The following ZNF713 variants were observed in gnomAD, a reference collection of about 807,000 sequenced individuals.
ZNF713 encodes zinc finger protein 713.
In ZNF713, 21 loss-of-function variants were observed where a neutral mutation model predicts 28.7. The ratio of observed to expected loss-of-function variants is 0.73; its 90% CI spans 0.52 to 1.05. The LOEUF is 1.05. Ranked by LOEUF, ZNF713 falls within the 50% of genes least tolerant of loss-of-function variation. ZNF713 has a pLI of 0.00. For synonymous variants in ZNF713, 167 were observed against 178.0 expected (o/e 0.94, Z 0.49); for missense variants, 458 against 532.4 (o/e 0.86, Z 1.37).
intron 1 of ZNF713, 68 bp downstream of exon 1, chr7:55,887,748 C>T (rs1562731127): frequency 7.8e-4 from 1 of 1,280 alleles, no homozygotes; most frequent in African/African-American, 6.9e-3. Flanking sequence ...GGGGCGGAGG[C>T]GGGGGGCGGA....
intron 4 of ZNF713, among the ~76,000 whole-genome samples, chr7:55,915,392 A>T (rs974199023): frequency 1.3e-5 from 2 of 152,182 alleles, no homozygotes; most frequent in African/African-American, 4.8e-5. Flanking sequence ...GACAAAAATT[A>T]TGCTTTTTAT....
chr7:55,902,875 C>A (rs1584300506), intron 1 of ZNF713, among the ~76,000 whole-genome samples: 1 of 151,480 alleles, frequency 6.6e-6, no homozygotes, highest in Non-Finnish European at 1.5e-5. Context: ...TGCCTATAAT[C>A]CCAGCTACTT....
intron 1 of ZNF713, among the ~76,000 whole-genome samples, chr7:55,900,596 C>T (rs1030357731): frequency 6.6e-6 from 1 of 152,100 alleles, no homozygotes; most frequent in African/African-American, 2.4e-5. Flanking sequence ...AAGCCAAGCA[C>T]AGAAAAACAG....
chr7:55,927,723 C>T (rs1211002136), intron 6 of ZNF713, among the ~76,000 whole-genome samples: 1 of 151,440 alleles, frequency 6.6e-6, no homozygotes, highest in African/African-American at 2.4e-5. Flanking sequence ...ATGGTAAAAC[C>T]CCGTCTCTAC....
chr7:55,918,110 A>C (rs1306830938), intron 4 of ZNF713: 2 of 456,632 alleles, frequency 4.4e-6, no homozygotes, highest in East Asian at 1.4e-4. Flanking sequence ...AAGCTTTGTG[A>C]CTTTCAAGGC....
chr7:55,923,612 C>T lies in ZNF713; in HGVS notation c.220C>T (p.Gln74Ter). The T allele has an allele frequency of 6.2e-7, 1 of 1,600,118 alleles. No homozygotes were observed. Among genetic ancestry groups the T allele is most frequent in the Non-Finnish European group, 8.5e-7 (1 of 1,172,464 alleles). The change falls in exon 6 of 7, where the codon CAG (glutamine) becomes TAG (stop). Residue 74 changes from glutamine to a stop codon, truncating the protein, a stop_gained. Transcript: ENST00000429591. LOFTEE classifies it high-confidence loss of function. Reference protein sequence around the residue: ...NYRNLVALGYQLCKPEVIAQL... With the variant: ...NYRNLVALGY ...TATGTTACTCCTGTGAATAGGGTAT[C>T]AGCTTTGTAAGCCAGAGGTAATCGC...
chr7:55,929,423 A>G (rs1307600714), intron 6 of ZNF713, among the ~76,000 whole-genome samples: 4 of 152,130 alleles, frequency 2.6e-5, no homozygotes, highest in Non-Finnish European at 5.9e-5. Flanking sequence ...AGGAGGTGAA[A>G]AGTGGGAATT....
intron 5 of ZNF713, 60 bp downstream of exon 5, chr7:55,923,348 G>A: frequency 6.4e-7 from 1 of 1,551,586 alleles, no homozygotes; most frequent in Non-Finnish European, 8.7e-7. Context: ...TCCTGAACTA[G>A]TAGAAGCCTG....
chr7:55,901,808 T>C (rs1785583302), intron 1 of ZNF713, among the ~76,000 whole-genome samples: 2 of 152,264 alleles, frequency 1.3e-5, no homozygotes, highest in Admixed American at 6.5e-5. Flanking sequence ...ACTGCAGCCA[T>C]AGTGCAGCTT....
At chr7:55,934,330 A>G (rs934717552) in intron 6 of ZNF713, among the ~76,000 whole-genome samples, 1 of 152,134 alleles carries the variant, frequency 6.6e-6, no homozygotes, top group Non-Finnish European at 1.5e-5. Flanking sequence ...AATATTCACA[A>G]AAGAAATAAA....
chr7:55,889,144 C>G (rs1363439780), intron 1 of ZNF713, among the ~76,000 whole-genome samples: 1 of 151,336 alleles, frequency 6.6e-6, no homozygotes, highest in Admixed American at 6.6e-5. Context: ...TCCTGTTGCC[C>G]AGGCTGGAGT....
intron 2 of ZNF713, among the ~76,000 whole-genome samples, chr7:55,909,651 T>C (rs1313887149): frequency 1.3e-5 from 2 of 152,206 alleles, no homozygotes; most frequent in African/African-American, 4.8e-5. Context: ...TTAATGATAT[T>C]GATTCTTCAA....
At chr7:55,900,946 C>T (rs988308223) in intron 1 of ZNF713, among the ~76,000 whole-genome samples, 4 of 152,150 alleles carry the variant, frequency 2.6e-5, no homozygotes, top group Admixed American at 6.6e-5. Context: ...GCTGGGATTA[C>T]AGGCATGAGC....
Position 55,904,298 on chromosome 7 carries a change from C to G in ZNF713, c.-582-1955C>G, listed in dbSNP as rs571304117. 1.8e-5 allele frequency among the ~76,000 whole-genome samples: 2 copies of G among 111,194 alleles called. 1 individual carries two copies. Among genetic ancestry groups the G allele is most frequent in the Non-Finnish European group, 4.0e-5 (2 of 50,126 alleles). The allele number at this position is 111,194 out of a possible 152,430, so 72.9% of individuals were successfully genotyped here. A position where few individuals can be genotyped will look rare whatever the true frequency, so the allele number is the denominator to read the frequency against. On this transcript the variant is annotated intron_variant, in intron 1 of 6. Coordinates refer to ENST00000429591, the MANE Select transcript of ZNF713 (RefSeq NM_182633.3). ...GCAACGTGGTGAAACCTCACTTCTA[C>G]TAAAAATACAAAAATTAGCCAGGCA...
intron 1 of ZNF713, among the ~76,000 whole-genome samples, chr7:55,892,075 C>T (rs764560379): frequency 6.6e-6 from 1 of 151,520 alleles, no homozygotes; most frequent in African/African-American, 2.4e-5. Flanking sequence ...GTCAGGAGAT[C>T]GAGACCATCC....
In ZNF713 at chr7:55,887,778, G is replaced by GC. The variant is rs1785285877; in HGVS notation, c.-583+98_-583+99insC. The GC allele has an allele frequency of 9.3e-4, 3 of 3,226 alleles. 1 individual carries two copies. The highest frequency in any genetic ancestry group is 1.6e-3 in the Non-Finnish European group (3 of 1,904). The allele number at this position is 3,226 out of a possible 1,614,324, so 0.2% of individuals were successfully genotyped here. Reference sequence around the variant, plus strand: ...GGCGGAGGCGGGGGGCGGAGGCGGGGGGCGGAGGCGGGGGGCGGAGGCGGG... The same window carrying GC: ...GGCGGAGGCGGGGGGCGGAGGCGGGGCGGCGGAGGCGGGGGGCGGAGGCGGG... On this transcript the variant is annotated intron_variant, in intron 1 of 6. Coordinates refer to ENST00000429591, the MANE Select transcript of ZNF713 (RefSeq NM_182633.3).
At chr7:55,894,587 G>T (rs1389946846) in intron 1 of ZNF713, among the ~76,000 whole-genome samples, 4 of 152,172 alleles carry the variant, frequency 2.6e-5, no homozygotes, top group Non-Finnish European at 5.9e-5. Context: ...TATATAAATT[G>T]ATACAACCTT....
chr7:55,915,035 A>T (rs1188513548), intron 4 of ZNF713, among the ~76,000 whole-genome samples: 1 of 152,108 alleles, frequency 6.6e-6, no homozygotes, highest in Non-Finnish European at 1.5e-5. Flanking sequence ...TTGTATTTTT[A>T]GTAGAGACGG....
intron 6 of ZNF713, among the ~76,000 whole-genome samples, chr7:55,932,837 T>C (rs1786264287): frequency 7.9e-6 from 1 of 126,378 alleles, no homozygotes; most frequent in African/African-American, 3.1e-5. Context: ...TGAGCCGAGA[T>C]TGCGCCACTG....
Sources: gnomAD v4.1 joint callset for allele counts (sites outside exome capture counted in the v4.1 genomes callset) on GRCh38, gnomAD v4.1.1 for gene constraint, MANE v1.5 for transcripts, NCBI Gene and HGNC (gene_info 2026-07-23, HGNC 2026-07-21) for gene names.